The following ALG12 variants were observed in gnomAD, a reference collection of about 807,000 sequenced individuals.
The protein encoded by ALG12 is ALG12 alpha-1,6-mannosyltransferase, also known as dol-P-Man:Man(7)GlcNAc(2)-PP-Dol alpha-1,6-mannosyltransferase.
Under a neutral mutation model 46.0 loss-of-function variants are expected in ALG12, and 36 were observed. The ratio of observed to expected loss-of-function variants is 0.78; its 90% confidence interval spans 0.60 to 1.03. The LOEUF (loss-of-function observed/expected upper bound fraction) is 1.03. ALG12 is among the 50% of genes least tolerant of loss of function. ALG12 has a pLI of 0.00. For synonymous variants in ALG12, 326 were observed against 291.6 expected (o/e 1.12, Z -1.20); for missense variants, 599 against 633.5 (o/e 0.95, Z 0.58).
the ALG12 span, among the ~76,000 whole-genome samples, chr22:49,871,864 C>T: frequency 6.6e-6 from 1 of 151,568 alleles, no homozygotes; most frequent in East Asian, 1.9e-4. Flanking sequence ...AAGCGATTCT[C>T]CTGCCTCAGT....
In ALG12 at chr22:49,904,447, T is replaced by TGTCCGATCACAAGCAGAGAC; in HGVS notation, c.1032_1051dup (p.His351ArgfsTer5). ...TGAGTAGGCGGCATTCACCACGAGG[T>TGTCCGATCACAAGCAGAGAC]GTCCGATCACAAGCAGAGACCCCGC... On this transcript the variant is annotated stop_gained and frameshift_variant, in exon 8 of 10. Coordinates refer to ENST00000330817, the MANE Select transcript of ALG12 (RefSeq NM_024105.4). LOFTEE classifies it high-confidence loss of function. 6.2e-7 allele frequency: 1 copy of TGTCCGATCACAAGCAGAGAC among 1,614,092 alleles called. No individual in the cohort carries two copies. Among genetic ancestry groups the TGTCCGATCACAAGCAGAGAC allele is most frequent in the African/African-American group, 1.3e-5 (1 of 75,012 alleles).
intron 7 of ALG12, among the ~76,000 whole-genome samples, chr22:49,907,039 C>T (rs1033765976): frequency 2.0e-5 from 3 of 152,178 alleles, no homozygotes; most frequent in Non-Finnish European, 4.4e-5. Flanking sequence ...CCGCAGGAAG[C>T]CCCCTGCCCT....
the ALG12 span, among the ~76,000 whole-genome samples, chr22:49,875,365 T>A: frequency 2.0e-5 from 3 of 152,132 alleles, no homozygotes; most frequent in African/African-American, 7.2e-5. Context: ...GTTTTTGTAG[T>A]TTCTGTCTTT....
chr22:49,896,524 A>G (rs1245021083), downstream of ALG12, among the ~76,000 whole-genome samples: 1 of 152,182 alleles, frequency 6.6e-6, no homozygotes. Flanking sequence ...GGTCCAGCCC[A>G]TTGTCTCTCT....
At chr22:49,862,995 C>T in the ALG12 span, among the ~76,000 whole-genome samples, 1 of 152,176 alleles carries the variant, frequency 6.6e-6, no homozygotes, top group Non-Finnish European at 1.5e-5. Flanking sequence ...AGCCACCGCA[C>T]CCGGCCAGCC....
rs777658699 is a variant in ALG12 at position 49,907,907 on chromosome 22, G to C, written c.806C>G (p.Pro269Arg). The change falls in exon 7 of 10, where the codon CCC becomes CGC. Residue 269 changes from proline to arginine, a missense_variant. Physicochemically the swap from Pro to Arg is moderately radical, Grantham distance 103 (BLOSUM62 -2). Transcript: ENST00000330817. The part of the protein sequence containing the change: ...PLLWYFYSAL[P>R]RGLGCSLLFI... ...GAGCAGGCTGCAGCCCAGGCCGCGG[G>C]GCAGGGCTGAGTAGAAGTACCACAG... The C allele has an allele frequency of 6.8e-6, 11 of 1,613,476 alleles. No homozygotes were observed. The highest frequency in any genetic ancestry group is 7.6e-6 in the Non-Finnish European group (9 of 1,179,974).
intron 1 of ALG12, among the ~76,000 whole-genome samples, chr22:49,916,026 G>A (rs1230009126): frequency 6.6e-6 from 1 of 152,030 alleles, no homozygotes; most frequent in Non-Finnish European, 1.5e-5. Flanking sequence ...TTGGGAGGCT[G>A]AGGCGGGTGG....
At chr22:49,891,944 G>A in the ALG12 span, among the ~76,000 whole-genome samples, 1 of 152,016 alleles carries the variant, frequency 6.6e-6, no homozygotes, top group Non-Finnish European at 1.5e-5. Context: ...CCTTTCCCAA[G>A]AACTATCAAG....
chr22:49,869,125 A>T, the ALG12 span, among the ~76,000 whole-genome samples: 1 of 151,500 alleles, frequency 6.6e-6, no homozygotes, highest in Admixed American at 6.6e-5. Flanking sequence ...CTGTCTCAAA[A>T]AAAAAAAAAA....
chr22:49,875,865 T>C, the ALG12 span, among the ~76,000 whole-genome samples: 1 of 152,130 alleles, frequency 6.6e-6, no homozygotes, highest in Non-Finnish European at 1.5e-5. Context: ...CATTTTTTTC[T>C]CTAATCAATA....
intron 7 of ALG12, 134 bp downstream of exon 7, chr22:49,907,587 C>T: frequency 9.8e-7 from 1 of 1,023,184 alleles, no homozygotes. Flanking sequence ...GTGCAGTAAG[C>T]CCCACTCCAG....
rs555487023 is a variant in ALG12, at chr22:49,900,514, C to G, written c.*3324G>C. 1 of 152,290 alleles carries G rather than the reference C, an allele frequency of 6.6e-6. No individual in the cohort carries two copies. Among genetic ancestry groups the G allele is most frequent in the South Asian group, 2.1e-4 (1 of 4,812 alleles). 9.4% of individuals were successfully genotyped at this position (152,290 alleles called of 1,614,324 possible). A position where few individuals can be genotyped will look rare whatever the true frequency, so the allele number is the denominator to read the frequency against. Reference sequence around the variant, plus strand: ...CTACACTGACGGTGGAGAAGCCGACCCAAGGAACTCATGAGCACAGTGCTT... The same window carrying G: ...CTACACTGACGGTGGAGAAGCCGACGCAAGGAACTCATGAGCACAGTGCTT... On this transcript the variant is annotated 3_prime_UTR_variant, in exon 10 of 10. Coordinates refer to ENST00000330817, the MANE Select transcript of ALG12 (RefSeq NM_024105.4).
chr22:49,861,457 A>G, the ALG12 span, among the ~76,000 whole-genome samples: 2 of 151,930 alleles, frequency 1.3e-5, no homozygotes, highest in African/African-American at 4.8e-5. Flanking sequence ...GTTTTGAGAT[A>G]GCGTCTGGCT....
At chr22:49,914,362 C>A (rs931600040) in intron 1 of ALG12, among the ~76,000 whole-genome samples, 1 of 152,234 alleles carries the variant, frequency 6.6e-6, no homozygotes, top group Non-Finnish European at 1.5e-5. Flanking sequence ...CCAGCAAAGC[C>A]CCCGCTCCCA....
Position 49,905,398 on chromosome 22 carries a change from A to G in ALG12, c.993-892T>C, listed in dbSNP as rs1810847784. 6.6e-6 allele frequency among the ~76,000 whole-genome samples: 1 copy of G among 152,090 alleles called. No individual in the cohort carries two copies. Among genetic ancestry groups the G allele is most frequent in the Admixed American group, 6.5e-5 (1 of 15,276 alleles). On this transcript the variant is annotated intron_variant, in intron 7 of 9. Coordinates refer to ENST00000330817, the MANE Select transcript of ALG12 (RefSeq NM_024105.4). The surrounding 1 kb of genome is among the most constrained non-coding windows in gnomAD (Gnocchi z 4.9). Reference sequence around the variant, plus strand: ...TATGGTTTGGATCTGCGTCCCCACCAAATCTCATGTCCAACTGTGATCCCC... The same window carrying G: ...TATGGTTTGGATCTGCGTCCCCACCGAATCTCATGTCCAACTGTGATCCCC...
chr22:49,867,250 T>C, the ALG12 span, among the ~76,000 whole-genome samples: 4 of 152,250 alleles, frequency 2.6e-5, no homozygotes, highest in African/African-American at 4.8e-5. Flanking sequence ...TCCATTGTGT[T>C]TAGAGGACTT....
the ALG12 span, among the ~76,000 whole-genome samples, chr22:49,862,834 T>G: frequency 6.6e-6 from 1 of 151,358 alleles, no homozygotes; most frequent in Admixed American, 6.6e-5. Context: ...CCTGAGTAAC[T>G]GGGATTACAG....
chr22:49,862,754 T>C, the ALG12 span, among the ~76,000 whole-genome samples: 1 of 134,922 alleles, frequency 7.4e-6, no homozygotes, highest in East Asian at 2.3e-4. Context: ...CAGGCTGGAG[T>C]GCAGTGTCGT....
At chr22:49,908,445 T>C (rs2060556154) in intron 6 of ALG12, among the ~76,000 whole-genome samples, 1 of 140,894 alleles carries the variant, frequency 7.1e-6, no homozygotes, top group South Asian at 2.4e-4. Context: ...GGAGAATCAC[T>C]TGAACCAGGG....
Sources: gnomAD v4.1 joint callset for allele counts (sites outside exome capture counted in the v4.1 genomes callset) on GRCh38, gnomAD v4.1.1 for gene constraint, Gnocchi (gnomAD v3.1) non-coding constraint, MANE v1.5 for transcripts, NCBI Gene and HGNC (gene_info 2026-07-23, HGNC 2026-07-21) for gene names.